Variants in RTN1 observed in about 807,000 individuals in gnomAD.
RTN1 encodes the protein reticulon-1.
Under a neutral mutation model 65.5 loss-of-function variants are expected in RTN1, and 25 were observed. The ratio of observed to expected loss-of-function variants is 0.38; its 90% confidence interval spans 0.28 to 0.53. The LOEUF is 0.53. Ranked by LOEUF, RTN1 falls within the 20% of genes least tolerant of loss-of-function variation. RTN1 has a pLI of 0.79. For synonymous variants in RTN1, 471 were observed against 447.6 expected, an observed-to-expected ratio of 1.05 and a Z score of -0.66; for missense variants, 983 against 1,025.4, an observed-to-expected ratio of 0.96 and a Z score of 0.57.
intron 3 of RTN1, among the ~76,000 whole-genome samples, chr14:59,647,422 C>T (rs188711948): frequency 7.2e-4 from 110 of 152,240 alleles, no homozygotes; most frequent in African/African-American, 2.4e-3. Flanking sequence ...ATATTTCAGA[C>T]CCAAATTCAA....
At chr14:59,694,123 C>T (rs10133536) in intron 3 of RTN1, among the ~76,000 whole-genome samples, 95,053 of 152,066 alleles carry the variant, frequency 0.63, 29,890 homozygotes, top group South Asian at 0.71. Flanking sequence ...GGGTCTTCAT[C>T]GCCTTTTCCT....
intron 1 of RTN1, among the ~76,000 whole-genome samples, chr14:59,811,448 T>C (rs932831233): frequency 1.3e-4 from 20 of 152,222 alleles, no homozygotes; most frequent in African/African-American, 4.8e-4. Context: ...TATAGATCTA[T>C]ATCTACTGCT....
rs1887015393 is a variant in RTN1 at position 59,825,503 on chromosome 14, T to C, written c.241+44887A>G. Among the ~76,000 whole-genome samples the C allele has an allele frequency of 6.6e-6, 1 of 152,234 alleles. No individual in the cohort carries two copies. Among genetic ancestry groups the C allele is most frequent in the Non-Finnish European group, 1.5e-5 (1 of 68,038 alleles). ...CTGTTTTGTCAAAGTTTTATCAGCC[T>C]GAGGGGAAGCTGCCTGTGGTGTAGC... is the stretch of plus-strand genomic sequence containing the variant. On this transcript the variant is annotated intron_variant, in intron 1 of 8. Coordinates refer to ENST00000267484, the MANE Select transcript of RTN1 (RefSeq NM_021136.3). This position sits in a 1 kb window ranked among gnomAD's most constrained non-coding sequence, Gnocchi z 4.2.
chr14:59,674,986 C>T (rs1883591840), intron 3 of RTN1, among the ~76,000 whole-genome samples: 1 of 151,912 alleles, frequency 6.6e-6, no homozygotes, highest in African/African-American at 2.4e-5. Context: ...CCTCTAGGTG[C>T]TGGACTTAAA....
chr14:59,669,973 T>A (rs1265421729), intron 3 of RTN1, among the ~76,000 whole-genome samples: 1 of 152,216 alleles, frequency 6.6e-6, no homozygotes, highest in Non-Finnish European at 1.5e-5. Flanking sequence ...ATGAATGAGT[T>A]AGACATTTTC....
intron 3 of RTN1, among the ~76,000 whole-genome samples, chr14:59,685,664 A>G (rs1883831677): frequency 6.6e-6 from 1 of 152,172 alleles, no homozygotes; most frequent in Non-Finnish European, 1.5e-5. Context: ...AGAAATTGAA[A>G]AAGACACAAA....
intron 1 of RTN1, among the ~76,000 whole-genome samples, chr14:59,791,551 C>T (rs1166869718): frequency 6.6e-6 from 1 of 152,188 alleles, no homozygotes; most frequent in East Asian, 1.9e-4. Flanking sequence ...GACTAAGGTG[C>T]CTATTCCTCT....
chr14:59,688,607 G>A (rs1883896267), intron 3 of RTN1, among the ~76,000 whole-genome samples: 1 of 152,170 alleles, frequency 6.6e-6, no homozygotes, highest in Admixed American at 6.5e-5. Flanking sequence ...GCCACAGACA[G>A]CTCCTACCCA....
At position 59,655,676 on chromosome 14, in the gene RTN1, A is replaced by G. The variant is rs1417119745; in HGVS notation, c.1766-48184T>C. 2.0e-5 allele frequency among the ~76,000 whole-genome samples: 3 copies of G among 152,218 alleles called. No homozygotes were observed. The East Asian group carries it at 5.8e-4, about 29-fold the overall frequency. ...AGTCTAGAATTAAACCATCACATAT[A>G]TGGTCAACTGATTTTTAACAAGGGT... is the stretch of plus-strand genomic sequence containing the variant. On this transcript the variant is annotated intron_variant, in intron 3 of 8. Transcript: ENST00000267484.
At chr14:59,636,843 T>G (rs1447871965) in intron 3 of RTN1, among the ~76,000 whole-genome samples, 1 of 152,234 alleles carries the variant, frequency 6.6e-6, no homozygotes, top group Admixed American at 6.5e-5. Flanking sequence ...CATGCCTTGA[T>G]TTAAAAATAT....
chr14:59,753,941 G>A (rs1318974762), intron 1 of RTN1, among the ~76,000 whole-genome samples: 2 of 152,172 alleles, frequency 1.3e-5, no homozygotes, highest in African/African-American at 4.8e-5. Flanking sequence ...TCTAATTCAT[G>A]CAGAGGCAAA....
chr14:59,842,455 T>C (rs1887331295), intron 1 of RTN1, among the ~76,000 whole-genome samples: 1 of 152,028 alleles, frequency 6.6e-6, no homozygotes, highest in South Asian at 2.1e-4. Flanking sequence ...ACTTGGAAAA[T>C]AATTTGAATG....
intron 1 of RTN1, among the ~76,000 whole-genome samples, chr14:59,801,360 GAATCATT>G (rs1436724959): frequency 6.6e-6 from 1 of 152,054 alleles, no homozygotes; most frequent in Non-Finnish European, 1.5e-5. Flanking sequence ...CAAGGAAAAA[GAATCATT>G]ACAGACAGGG....
intron 2 of RTN1, among the ~76,000 whole-genome samples, chr14:59,732,096 G>C (rs1379384983): frequency 6.6e-6 from 1 of 152,200 alleles, no homozygotes; most frequent in Non-Finnish European, 1.5e-5. Context: ...ACAGAACCTT[G>C]AAAGGCAGGC....
intron 1 of RTN1, among the ~76,000 whole-genome samples, chr14:59,854,855 C>A (rs893103931): frequency 2.6e-5 from 4 of 152,040 alleles, no homozygotes; most frequent in Admixed American, 6.6e-5. Context: ...ATAACCATAC[C>A]TACTTTATTG....
intron 3 of RTN1, among the ~76,000 whole-genome samples, chr14:59,690,898 CAG>C (rs1160756401): frequency 1.3e-5 from 2 of 151,998 alleles, no homozygotes; most frequent in African/African-American, 4.8e-5. Flanking sequence ...TAAATGAAAA[CAG>C]AGACACAGCA....
At chr14:59,694,089 T>C (rs752612328) in intron 3 of RTN1, among the ~76,000 whole-genome samples, 20 of 152,208 alleles carry the variant, frequency 1.3e-4, no homozygotes, top group Non-Finnish European at 2.6e-4. Context: ...CTTACTTTAA[T>C]GCTAAATACC....
rs1885121272 is a variant in RTN1 at position 59,741,739 on chromosome 14, C to T, written c.1015+3969G>A. Among the ~76,000 whole-genome samples the T allele has an allele frequency of 2.6e-5, 4 of 152,186 alleles. No individual in the cohort carries two copies. In the South Asian group the frequency reaches 8.3e-4, roughly 32 times the overall value. ...CCACTTCCCTCTTCCTCCCCTGTGT[C>T]ACCAACCCCCTTTCAGTTCTCATAT... On this transcript the variant is annotated intron_variant, in intron 2 of 8. Coordinates refer to ENST00000267484, the MANE Select transcript of RTN1 (RefSeq NM_021136.3).
chr14:59,620,440 G>A (rs1020450297), intron 3 of RTN1, among the ~76,000 whole-genome samples: 1 of 152,128 alleles, frequency 6.6e-6, no homozygotes, highest in Non-Finnish European at 1.5e-5. Context: ...GAGATGTCCT[G>A]TAGTGTCAAC....
Sources: gnomAD v4.1 joint callset for allele counts (sites outside exome capture counted in the v4.1 genomes callset) on GRCh38, gnomAD v4.1.1 for gene constraint, Gnocchi (gnomAD v3.1) non-coding constraint, MANE v1.5 for transcripts, NCBI Gene and HGNC (gene_info 2026-07-23, HGNC 2026-07-21) for gene names.